Variants in MYCBP2 observed in about 807,000 individuals in gnomAD.
MYCBP2 encodes the protein MYC binding protein 2, also known as E3 ubiquitin-protein ligase MYCBP2.
A neutral mutation model predicts 525.3 loss-of-function variants in MYCBP2; 120 were observed. The ratio of observed to expected loss-of-function variants is 0.23; its 90% CI spans 0.20 to 0.27. The LOEUF (loss-of-function observed/expected upper bound fraction) is 0.27, where lower values mean the gene tolerates loss of function less well. Among genes scored for constraint, MYCBP2 ranks in the 10% least tolerant of loss-of-function variants. The pLI, the probability that MYCBP2 is intolerant of heterozygous loss-of-function variation, is 1.00. For synonymous variants in MYCBP2, 1,894 were observed against 1,955.8 expected, an observed-to-expected ratio of 0.97 and a Z score of 0.83; for missense variants, 4,149 against 5,657.1, an observed-to-expected ratio of 0.73 and a Z score of 8.55.
At chr13:77,235,524 A>C (rs73545880) in intron 17 of MYCBP2, among the ~76,000 whole-genome samples, 3,316 of 152,220 alleles carry the variant, frequency 0.022, 121 homozygotes, top group African/African-American at 0.076. Flanking sequence ...ATGCAAAAAA[A>C]CAGATAATTA....
At chr13:77,284,828 C>T (rs937869395) in intron 3 of MYCBP2, among the ~76,000 whole-genome samples, 1 of 152,184 alleles carries the variant, frequency 6.6e-6, no homozygotes, top group African/African-American at 2.4e-5. Flanking sequence ...GTCACTACAA[C>T]CCTATGAGGT....
chr13:77,241,031 C>A (rs1182068677), intron 17 of MYCBP2, among the ~76,000 whole-genome samples: 1 of 152,154 alleles, frequency 6.6e-6, no homozygotes, highest in Admixed American at 6.5e-5. Context: ...AAAATATACA[C>A]TAAGTGCCTA....
intron 3 of MYCBP2, among the ~76,000 whole-genome samples, chr13:77,285,174 T>G (rs933704829): frequency 6.6e-6 from 1 of 152,238 alleles, no homozygotes; most frequent in East Asian, 1.9e-4. Context: ...TTCTTGTTTA[T>G]GCAATTTAAT....
intron 27 of MYCBP2, 32 bp downstream of exon 27, chr13:77,194,121 G>C (rs1359628021): frequency 1.4e-6 from 2 of 1,387,174 alleles, no homozygotes; most frequent in African/African-American, 2.8e-5. Flanking sequence ...AAGTATGCAA[G>C]AGTTACAATG....
At chr13:77,214,169 G>GT in intron 21 of MYCBP2, among the ~76,000 whole-genome samples, 1 of 152,158 alleles carries the variant, frequency 6.6e-6, no homozygotes, top group East Asian at 1.9e-4. Flanking sequence ...CAAATTAAAG[G>GT]TACCACAACA....
rs368245125 is a variant in MYCBP2 at position 77,081,532 on chromosome 13, T to A, written c.11313A>T (p.Ser3771=). The change falls in exon 65 of 83, where the codon TCA becomes TCT. Residue 3771 remains serine (S), a synonymous_variant. Transcript: ENST00000544440. The surrounding 1 kb of genome is among the most constrained non-coding windows in gnomAD (Gnocchi z 4.6). ...TAGTTTTGTTTTTATCTTCATCTCC[T>A]GATTCCCAAAAGGTTTCTGTGGAGC... ...TDGSTETFWE[S]GDEDKNKTKN... 4.3e-6 allele frequency: 7 copies of A among 1,613,692 alleles called. No homozygotes were observed. The highest frequency in any genetic ancestry group is 5.9e-6 in the Non-Finnish European group (7 of 1,179,894).
At chr13:77,061,113 G>T (rs766332825) in intron 76 of MYCBP2, 56 bp downstream of exon 76, 1 of 1,532,806 alleles carries the variant, frequency 6.5e-7, no homozygotes. Flanking sequence ...CAGTTGGCAC[G>T]GTTTAATCTT....
At chr13:77,131,683 T>A (rs1175907653) in intron 52 of MYCBP2, among the ~76,000 whole-genome samples, 1 of 152,230 alleles carries the variant, frequency 6.6e-6, no homozygotes, top group East Asian at 1.9e-4. Flanking sequence ...CAGATTATTA[T>A]AAGCACAGCT....
rs1213365818 is a variant in MYCBP2, at chr13:77,263,922, T to C, written c.1431+7A>G. ...TACACTAGCTACTTAAGATTCAGGA[T>C]ACTTACATCTCTTGAAGCAGCTATC... is the stretch of plus-strand genomic sequence containing the variant. On this transcript the variant is annotated splice_region_variant and intron_variant, in intron 9 of 82. Transcript: ENST00000544440. 4 of 1,609,420 alleles carry C rather than the reference T, an allele frequency of 2.5e-6. No individual in the cohort carries two copies. Among genetic ancestry groups the C allele is most frequent in the Non-Finnish European group, 3.4e-6 (4 of 1,176,818 alleles).
chr13:77,205,523 A>C lies in MYCBP2; in HGVS notation c.3665T>G (p.Val1222Gly). 1 of 1,613,628 alleles carries C rather than the reference A, an allele frequency of 6.2e-7. No homozygotes were observed. Among genetic ancestry groups the C allele is most frequent in the Non-Finnish European group, 8.5e-7 (1 of 1,179,768 alleles). The change falls in exon 25 of 83, where the codon GTA (valine) becomes GGA (glycine). Residue 1222 changes from valine to glycine, a missense_variant. Around this residue, in one of 21 missense-constraint regions of MYCBP2, gnomAD observed 620 missense variants for 795.5 expected, o/e 0.78. Transcript: ENST00000544440. ...VASTEEETQA[V>G]MKVYSKEDYS... Reference sequence around the variant, plus strand: ...ATCTTCTTTAGAATAAACCTTCATTACTGCTTGAGTCTCTTCCTCTGTACT... The same window carrying C: ...ATCTTCTTTAGAATAAACCTTCATTCCTGCTTGAGTCTCTTCCTCTGTACT...
At chr13:77,077,502 G>A in intron 66 of MYCBP2, 115 bp from the exon 67 acceptor site, 1 of 1,215,858 alleles carries the variant, frequency 8.2e-7, no homozygotes, top group East Asian at 2.3e-5. Flanking sequence ...ACAGAGTAAA[G>A]GTTATGAGGT....
At chr13:77,305,506 A>G (rs985915534) in intron 1 of MYCBP2, among the ~76,000 whole-genome samples, 3 of 152,130 alleles carry the variant, frequency 2.0e-5, no homozygotes, top group African/African-American at 7.2e-5. Context: ...AAAAACAGGA[A>G]GTAGTAGTTG....
chr13:77,061,330 A>G (rs749352074), intron 75 of MYCBP2, 29 bp from the exon 76 acceptor site: 7 of 1,563,522 alleles, frequency 4.5e-6, no homozygotes, highest in Non-Finnish European at 6.1e-6. Context: ...ACAGGGAAAA[A>G]TATGCTTATT....
chr13:77,194,669 C>A (rs56222821), intron 26 of MYCBP2, among the ~76,000 whole-genome samples: 4,267 of 152,098 alleles, frequency 0.028, 86 homozygotes, highest in East Asian at 0.052. Context: ...GACCTAGTTT[C>A]CTCATCCATA....
intron 80 of MYCBP2, among the ~76,000 whole-genome samples, chr13:77,054,981 T>C (rs765951046): frequency 6.6e-6 from 1 of 152,154 alleles, no homozygotes; most frequent in Non-Finnish European, 1.5e-5. Context: ...CAGTTGGTTA[T>C]TTGTAACTAA....
At chr13:77,066,940 T>C (rs1173219598) in intron 71 of MYCBP2, among the ~76,000 whole-genome samples, 3 of 152,198 alleles carry the variant, frequency 2.0e-5, no homozygotes, top group Non-Finnish European at 2.9e-5. Flanking sequence ...GTTTGCCTTT[T>C]TAAAATTGAT....
chr13:77,173,534 T>C (rs766153242), intron 37 of MYCBP2, among the ~76,000 whole-genome samples: 6 of 152,238 alleles, frequency 3.9e-5, no homozygotes, highest in Non-Finnish European at 8.8e-5. Context: ...AGAAAATCTA[T>C]ATCTAGGGAA....
chr13:77,321,850 G>A (rs2081674436), intron 1 of MYCBP2, among the ~76,000 whole-genome samples: 1 of 152,194 alleles, frequency 6.6e-6, no homozygotes. Context: ...TAGGGCCAAT[G>A]GTTAGTGCCA....
rs141701958 is a variant in MYCBP2, at chr13:77,125,420, C to T, written c.7933G>A (p.Val2645Ile). 948 of 1,613,852 alleles carry T rather than the reference C, an allele frequency of 5.9e-4. No homozygotes were observed. The highest frequency in any genetic ancestry group is 7.4e-4 in the Non-Finnish European group (872 of 1,179,846). ...TWVQLDQNSM[V>I]EFCESDEGEA... ...CCTTCATCACTCTCACAGAACTCTA[C>T]CATGCTGTTCTGATCCAGTTGCACC... is the stretch of plus-strand genomic sequence containing the variant. The change falls in exon 54 of 83, where the codon GTA becomes ATA. Residue 2645 changes from valine to isoleucine, a missense_variant. Around this residue, in one of 21 missense-constraint regions of MYCBP2, gnomAD observed 653 missense variants for 744.7 expected, o/e 0.88. Coordinates refer to ENST00000544440, the MANE Select transcript of MYCBP2 (RefSeq NM_015057.5).
Sources: gnomAD v4.1 joint callset for allele counts (sites outside exome capture counted in the v4.1 genomes callset) on GRCh38, gnomAD v4.1.1 for gene constraint, gnomAD v4.1.1 regional missense constraint, Gnocchi (gnomAD v3.1) non-coding constraint, MANE v1.5 for transcripts, NCBI Gene and HGNC (gene_info 2026-07-23, HGNC 2026-07-21) for gene names.